CA8: variants seen among roughly 807,000 people sequenced by gnomAD.
The protein encoded by CA8 is carbonic anhydrase-related protein.
A neutral mutation model predicts 41.4 loss-of-function variants in CA8; 22 were observed. The observed-to-expected ratio is 0.53, with a 90% confidence interval of 0.38 to 0.76. The LOEUF (loss-of-function observed/expected upper bound fraction) is 0.76. CA8 is among the 30% of genes least tolerant of loss of function. CA8 has a pLI of 0.00. For synonymous variants in CA8, 121 were observed against 130.6 expected, an observed-to-expected ratio of 0.93 and a Z score of 0.50; for missense variants, 270 against 352.8, an observed-to-expected ratio of 0.77 and a Z score of 1.88.
At chr8:60,272,399 AAAG>A (rs1164255274) in intron 2 of CA8, among the ~76,000 whole-genome samples, 6 of 152,188 alleles carry the variant, frequency 3.9e-5, no homozygotes, top group Admixed American at 2.6e-4. Flanking sequence ...CAAAAAAAAA[AAAG>A]AAAGGTTCTA....
chr8:60,281,152 A>C lies in CA8; in HGVS notation c.-5T>G. On this transcript the variant is annotated 5_prime_UTR_variant, in exon 1 of 9. Transcript: ENST00000317995. ...GATGAAGCTCAGGTCCGCCATGGGA[A>C]GGCCGCGGGGCCCCTCGGCGCTCTC... 6.4e-7 allele frequency: 1 copy of C among 1,552,718 alleles called. No individual in the cohort carries two copies. The highest frequency in any genetic ancestry group is 2.4e-5 in the East Asian group (1 of 41,310).
intron 2 of CA8, among the ~76,000 whole-genome samples, chr8:60,276,240 A>G (rs984981667): frequency 1.3e-5 from 2 of 152,204 alleles, no homozygotes; most frequent in Admixed American, 1.3e-4. Flanking sequence ...CATCCGATCT[A>G]ACACAGGAGA....
At chr8:60,263,021 G>A (rs568984086) in intron 3 of CA8, among the ~76,000 whole-genome samples, 1 of 152,282 alleles carries the variant, frequency 6.6e-6, no homozygotes, top group African/African-American at 2.4e-5. Context: ...AAAGGTGAGG[G>A]AAGACAGCTC....
chr8:60,266,021 C>T lies in CA8; in HGVS notation c.321G>A (p.Gly107=), dbSNP rs1803890260. 3.1e-6 allele frequency: 5 copies of T among 1,613,584 alleles called. No individual in the cohort carries two copies. Among genetic ancestry groups the T allele is most frequent in the Non-Finnish European group, 4.2e-6 (5 of 1,179,538 alleles). ...TCACTTCGTACAGTTCAAATTCATG[C>T]CCTTGAGGCAATGGTCCTCCCGAAA... ...SVLSGGPLPQ[G]HEFELYEVRF... Residue 107 remains glycine, a synonymous_variant, in exon 3 of 9, where the codon GGG becomes GGA. Transcript: ENST00000317995.
intron 3 of CA8, among the ~76,000 whole-genome samples, chr8:60,257,566 C>A (rs533773465): frequency 5.9e-5 from 9 of 152,222 alleles, no homozygotes; most frequent in African/African-American, 1.7e-4. Context: ...AGACTTCCTC[C>A]CACACTGCCA....
At chr8:60,266,814 A>G (rs143736856) in intron 2 of CA8, among the ~76,000 whole-genome samples, 246 of 152,360 alleles carry the variant, frequency 1.6e-3, no homozygotes, top group African/African-American at 5.6e-3. Flanking sequence ...CCCTGACAGC[A>G]TATGTACAAA....
rs1585948001 is a variant in CA8, at chr8:60,281,317, C to A, written c.-170G>T. ...GAACCGCAGTGTGAGTGCAAGCAGGCGTGCGTTCGGACCGAGTGTTCCAGA... is the reference window on the plus strand; with the variant it reads ...GAACCGCAGTGTGAGTGCAAGCAGGAGTGCGTTCGGACCGAGTGTTCCAGA... On this transcript the variant is annotated 5_prime_UTR_variant, in exon 1 of 9. Coordinates refer to ENST00000317995, the MANE Select transcript of CA8 (RefSeq NM_004056.6). 1 of 613,742 alleles carries A rather than the reference C, an allele frequency of 1.6e-6. No homozygotes were observed. Among genetic ancestry groups the A allele is most frequent in the Non-Finnish European group, 2.9e-6 (1 of 344,950 alleles). 38.0% of individuals were successfully genotyped at this position (613,742 alleles called of 1,614,324 possible).
At position 60,187,127 on chromosome 8, in the gene CA8, G is replaced by A. The variant is rs1015586024; in HGVS notation, c.*2894C>T. On this transcript the variant is annotated 3_prime_UTR_variant, in exon 9 of 9. Transcript: ENST00000317995. ...AAATTTAAGACTGAGATCATATAAA[G>A]TATGTTTTCTGATCACAACAGAAAA... Among the ~76,000 whole-genome samples, 3 of 151,938 alleles carry A rather than the reference G, an allele frequency of 2.0e-5. No homozygotes were observed. Among genetic ancestry groups the A allele is most frequent in the Non-Finnish European group, 4.4e-5 (3 of 67,916 alleles).
At chr8:60,248,070 T>C (rs1808311963) in intron 3 of CA8, among the ~76,000 whole-genome samples, 1 of 152,130 alleles carries the variant, frequency 6.6e-6, no homozygotes, top group Non-Finnish European at 1.5e-5. Flanking sequence ...GAAGTGTCTG[T>C]TCATATACTT....
intron 3 of CA8, among the ~76,000 whole-genome samples, chr8:60,262,553 G>A (rs1014473254): frequency 6.6e-6 from 1 of 152,162 alleles, no homozygotes; most frequent in African/African-American, 2.4e-5. Flanking sequence ...ACACATTATG[G>A]AAAAGGATTC....
chr8:60,279,603 T>C, intron 2 of CA8, 86 bp downstream of exon 2: 1 of 1,198,190 alleles, frequency 8.3e-7, no homozygotes, highest in African/African-American at 1.5e-5. Flanking sequence ...GTTGTACTTT[T>C]TAAATTGTGC....
At chr8:60,261,398 G>A (rs1803727802) in intron 3 of CA8, among the ~76,000 whole-genome samples, 1 of 152,076 alleles carries the variant, frequency 6.6e-6, no homozygotes, top group African/African-American at 2.4e-5. Flanking sequence ...CATACAATAT[G>A]GCTAGACCTC....
intron 3 of CA8, among the ~76,000 whole-genome samples, chr8:60,252,112 A>G (rs1808475425): frequency 6.6e-6 from 1 of 152,198 alleles, no homozygotes; most frequent in Non-Finnish European, 1.5e-5. Flanking sequence ...TAAAAAATTT[A>G]TAAAGATATA....
intron 4 of CA8, among the ~76,000 whole-genome samples, chr8:60,231,792 TG>T (rs1807655197): frequency 6.6e-6 from 1 of 152,200 alleles, no homozygotes; most frequent in African/African-American, 2.4e-5. Flanking sequence ...CAAATCCAAA[TG>T]TTATATTGAC....
intron 2 of CA8, among the ~76,000 whole-genome samples, chr8:60,271,906 TGA>T (rs5891757): frequency 0.34 from 51,609 of 151,994 alleles, 8,897 homozygotes; most frequent in Non-Finnish European, 0.38. Context: ...TCAAGATTCC[TGA>T]GAGACAGTGA....
intron 3 of CA8, among the ~76,000 whole-genome samples, chr8:60,235,865 T>C (rs1210554817): frequency 3.9e-5 from 6 of 152,320 alleles, no homozygotes; most frequent in African/African-American, 1.4e-4. Flanking sequence ...GTATGCAGTC[T>C]GGAATCAAAC....
At chr8:60,254,773 G>T (rs996565983) in intron 3 of CA8, among the ~76,000 whole-genome samples, 1 of 152,048 alleles carries the variant, frequency 6.6e-6, no homozygotes, top group Admixed American at 6.6e-5. Flanking sequence ...ACCCACCCAA[G>T]TAAATTAGAA....
In CA8 at chr8:60,241,919, T is replaced by G. The variant is rs78862140; in HGVS notation, c.418-9540A>C. Among the ~76,000 whole-genome samples, 3 of 152,334 alleles carry G rather than the reference T, an allele frequency of 2.0e-5. No individual in the cohort carries two copies. In the East Asian group the frequency reaches 5.8e-4, roughly 29 times the overall value. ...CTGTTCATTCTATACAGTGAATCAG[T>G]GACTAATGGCTGCAATCCTCTCCCT... is the stretch of plus-strand genomic sequence containing the variant. On this transcript the variant is annotated intron_variant, in intron 3 of 8. Transcript: ENST00000317995.
chr8:60,224,532 C>T lies in CA8; in HGVS notation c.625+5G>A. 4 of 1,550,294 alleles carry T rather than the reference C, an allele frequency of 2.6e-6. No individual in the cohort carries two copies. The highest frequency in any genetic ancestry group is 3.6e-6 in the Non-Finnish European group (4 of 1,122,902). ...TTCATTTTATGCAATCAGGTAAATACTCACCTGGTAATAAAGTGTTAGGAT... is the reference window on the plus strand; with the variant it reads ...TTCATTTTATGCAATCAGGTAAATATTCACCTGGTAATAAAGTGTTAGGAT... On this transcript the variant is annotated splice_donor_5th_base_variant and intron_variant, in intron 6 of 8. Transcript: ENST00000317995.
Sources: gnomAD v4.1 joint callset for allele counts (sites outside exome capture counted in the v4.1 genomes callset) on GRCh38, gnomAD v4.1.1 for gene constraint, MANE v1.5 for transcripts, NCBI Gene and HGNC (gene_info 2026-07-23, HGNC 2026-07-21) for gene names.